The following GEMIN8 variants were observed in gnomAD, a reference collection of about 807,000 sequenced individuals.
GEMIN8 encodes gem nuclear organelle associated protein 8.
For missense variants in GEMIN8, 185 were observed against 205.9 expected (o/e 0.90, Z 0.62); for synonymous variants, 80 against 78.5 (o/e 1.02, Z -0.10).
At chrX:14,011,516 C>CTTTTT (rs575651297) in intron 4 of GEMIN8, among the ~76,000 whole-genome samples, 6 of 60,386 alleles carry the variant, frequency 9.9e-5, no homozygotes, top group South Asian at 1.0e-3. Flanking sequence ...CTATGGCTCT[C>CTTTTT]TTTTTTTTTT....
chrX:14,005,033 T>C (rs1158829755), downstream of GEMIN8, among the ~76,000 whole-genome samples: 2 of 111,466 alleles, frequency 1.8e-5, no homozygotes, highest in African/African-American at 6.5e-5. Context: ...ATAAAAAATA[T>C]ATATATTTGG....
downstream of GEMIN8, among the ~76,000 whole-genome samples, chrX:14,006,659 C>T (rs763458594): frequency 9.0e-6 from 1 of 111,371 alleles, no homozygotes; most frequent in South Asian, 3.8e-4. Context: ...AAACATTTCT[C>T]CGTATTTAGA....
chrX:14,002,329 T>TGATAGATAGATAGATA (rs58599457), downstream of GEMIN8, among the ~76,000 whole-genome samples: 1 of 99,531 alleles, frequency 1.0e-5, no homozygotes, highest in Non-Finnish European at 2.0e-5. Flanking sequence ...GATAGATAGG[T>TGATAGATAGATAGATA]GATAGATAGA....
intron 2 of GEMIN8, among the ~76,000 whole-genome samples, chrX:14,025,193 A>G (rs956374098): frequency 8.9e-6 from 1 of 111,957 alleles, no homozygotes; most frequent in Non-Finnish European, 1.9e-5. Flanking sequence ...ACTTGCATAG[A>G]GCTTTATAAT....
chrX:14,026,616 C>G (rs942348089), intron 1 of GEMIN8, among the ~76,000 whole-genome samples: 1 of 112,405 alleles, frequency 8.9e-6, no homozygotes, highest in Admixed American at 9.4e-5. Context: ...CTATTTCCAT[C>G]AAGTTACCAA....
At chrX:14,009,524 G>C (rs1454606284) in intron 4 of GEMIN8, among the ~76,000 whole-genome samples, 3 of 110,761 alleles carry the variant, frequency 2.7e-5, no homozygotes, top group Admixed American at 1.9e-4. Flanking sequence ...TCCAGCCCAG[G>C]TGACAAAGCC....
intron 4 of GEMIN8, among the ~76,000 whole-genome samples, chrX:14,015,406 ATCT>A (rs1202670039): frequency 5.3e-5 from 6 of 112,764 alleles, no homozygotes; most frequent in Non-Finnish European, 9.4e-5. Context: ...TAACGGAAAT[ATCT>A]TGTTAGGAAA....
chrX:14,016,114 C>T (rs1017015073), intron 4 of GEMIN8, among the ~76,000 whole-genome samples: 2 of 111,896 alleles, frequency 1.8e-5, no homozygotes, highest in Admixed American at 9.5e-5. Context: ...CTAATATAGA[C>T]GAAGTCTTTA....
At chrX:14,010,443 T>A (rs1374858509) in intron 4 of GEMIN8, among the ~76,000 whole-genome samples, 1 of 111,602 alleles carries the variant, frequency 9.0e-6, no homozygotes, top group African/African-American at 3.3e-5. Flanking sequence ...CACCACGAGA[T>A]AAGGAGTGAA....
chrX:14,009,210 G>A (rs372506021), intron 4 of GEMIN8, 41 bp from the exon 5 acceptor site: 52 of 1,181,286 alleles, frequency 4.4e-5, no homozygotes, highest in Middle Eastern at 2.3e-4. Flanking sequence ...ATAAACACAC[G>A]TGTGTGCACT....
At chrX:13,988,923 C>T in the GEMIN8 span, 1 of 108,230 alleles carries the variant, frequency 9.2e-6, no homozygotes, top group African/African-American at 3.4e-5. Context: ...CGGTGCCCAA[C>T]AGAAAAATGG....
Position 14,008,868 on chromosome X carries a change from T to C in GEMIN8, c.*45A>G. The C allele has an allele frequency of 8.7e-7, 1 of 1,153,463 alleles. No individual in the cohort carries two copies. The highest frequency in any genetic ancestry group is 1.2e-6 in the Non-Finnish European group (1 of 849,140). On this transcript the variant is annotated 3_prime_UTR_variant, in exon 5 of 5. Coordinates refer to ENST00000680255, the MANE Select transcript of GEMIN8 (RefSeq NM_001042479.2). ...TACAGAAGGAGAGATAAAGAGCGTG[T>C]ACCCAAAAGGAAGAAGGAGAGGCTG... is the stretch of plus-strand genomic sequence containing the variant.
intron 2 of GEMIN8, among the ~76,000 whole-genome samples, chrX:14,021,822 A>G (rs1924350866): frequency 2.0e-5 from 1 of 49,176 alleles, no homozygotes; most frequent in South Asian, 8.7e-4. Context: ...GTGTATATAT[A>G]TATATATATA....
chrX:13,988,624 G>C, the GEMIN8 span: 2 of 106,301 alleles, frequency 1.9e-5, no homozygotes, highest in Non-Finnish European at 3.9e-5. Flanking sequence ...AAACTAAAAA[G>C]ATAAAGAACC....
At chrX:14,005,218 A>G (rs1923103747), downstream of GEMIN8, among the ~76,000 whole-genome samples, 1 of 110,503 alleles carries the variant, frequency 9.0e-6, no homozygotes, top group African/African-American at 3.3e-5. Context: ...GCTCTTGGAC[A>G]GCTTCGGGAT....
chrX:14,003,668 T>A (rs1311886981), downstream of GEMIN8, among the ~76,000 whole-genome samples: 4 of 112,324 alleles, frequency 3.6e-5, no homozygotes, highest in African/African-American at 1.3e-4. Flanking sequence ...TAGAATATGC[T>A]GTTTTACTTT....
At chrX:13,985,833 C>T in the GEMIN8 span, among the ~76,000 whole-genome samples, 11 of 111,535 alleles carry the variant, frequency 9.9e-5, no homozygotes, top group Non-Finnish European at 1.9e-4. Flanking sequence ...AACAGATATG[C>T]ATGTCTACCA....
Position 14,007,966 on chromosome X carries a change from A to C in GEMIN8, c.*947T>G, listed in dbSNP as rs958778411. Reference sequence around the variant, plus strand: ...TGGCAAACTACCATCTGTAGACCAAATCTGGCCTGCAGTCTGTTTTTGTTT... The same window carrying C: ...TGGCAAACTACCATCTGTAGACCAACTCTGGCCTGCAGTCTGTTTTTGTTT... On this transcript the variant is annotated 3_prime_UTR_variant, in exon 5 of 5. Coordinates refer to ENST00000680255, the MANE Select transcript of GEMIN8 (RefSeq NM_001042479.2). Among the ~76,000 whole-genome samples, 2 of 111,575 alleles carry C rather than the reference A, an allele frequency of 1.8e-5. No homozygotes were observed. The highest frequency in any genetic ancestry group is 6.5e-5 in the African/African-American group (2 of 30,637).
intron 4 of GEMIN8, chrX:14,013,767 G>C (rs1225383826): frequency 1.7e-5 from 2 of 119,956 alleles, no homozygotes; most frequent in Admixed American, 1.0e-4. Flanking sequence ...CTTGATTTGA[G>C]AACTGTGAGA....
Sources: allele counts gnomAD v4.1 joint callset (sites outside exome capture counted in the v4.1 genomes callset), GRCh38; gene constraint gnomAD v4.1.1; transcripts MANE v1.5; gene names NCBI Gene and HGNC (gene_info 2026-07-23, HGNC 2026-07-21).